Variants in BMPER observed in about 807,000 individuals in gnomAD.
The protein encoded by BMPER is BMP-binding endothelial regulator protein.
A neutral mutation model predicts 87.3 loss-of-function variants in BMPER; 45 were observed. The observed-to-expected ratio is 0.52, with a 90% CI of 0.41 to 0.66. The LOEUF is 0.66. Ranked by LOEUF, BMPER falls within the 30% of genes least tolerant of loss-of-function variation. The probability of loss-of-function intolerance (pLI) is 0.00; values close to 1 mark genes in which losing one functional copy is unlikely to be tolerated. For missense variants in BMPER, 784 were observed against 867.5 expected (o/e 0.90, Z 1.21); for synonymous variants, 326 against 316.2 (o/e 1.03, Z -0.33).
chr7:34,087,535 A>G (rs1165532796), intron 13 of BMPER, among the ~76,000 whole-genome samples: 2 of 151,876 alleles, frequency 1.3e-5, no homozygotes, highest in African/African-American at 4.8e-5. Flanking sequence ...AGTGGGGATA[A>G]TAAAAGAACC....
intron 6 of BMPER, among the ~76,000 whole-genome samples, chr7:34,025,499 C>G (rs1420788772): frequency 6.6e-6 from 1 of 151,988 alleles, no homozygotes; most frequent in South Asian, 2.1e-4. Context: ...ACACATCCAG[C>G]AAGGCAAGTG....
chr7:33,905,605 C>T lies in BMPER; in HGVS notation c.-9C>T. ...ACCTGCAGTCGCCAGGGATTCCCTC[C>T]AGGTGACGATGCTCTGGTTCTCCGG... On this transcript the variant is annotated 5_prime_UTR_variant, in exon 1 of 15. Coordinates refer to ENST00000649409, the MANE Select transcript of BMPER (RefSeq NM_001365308.1). 1 of 1,611,958 alleles carries T rather than the reference C, an allele frequency of 6.2e-7. No homozygotes were observed. The highest frequency in any genetic ancestry group is 1.1e-5 in the South Asian group (1 of 91,016).
At chr7:34,070,006 G>C (rs1177954144) in intron 11 of BMPER, among the ~76,000 whole-genome samples, 1 of 152,046 alleles carries the variant, frequency 6.6e-6, no homozygotes, top group Non-Finnish European at 1.5e-5. Context: ...TTTAGTGCAA[G>C]TATCTGTTGT....
At chr7:34,116,150 G>T (rs1790112898) in intron 13 of BMPER, among the ~76,000 whole-genome samples, 1 of 152,198 alleles carries the variant, frequency 6.6e-6, no homozygotes, top group Non-Finnish European at 1.5e-5. Flanking sequence ...ATAAAAGAAT[G>T]AGATAAAAAA....
intron 13 of BMPER, among the ~76,000 whole-genome samples, chr7:34,098,380 A>G (rs1229635012): frequency 6.6e-6 from 1 of 152,172 alleles, no homozygotes; most frequent in African/African-American, 2.4e-5. Flanking sequence ...AACAGGATGT[A>G]TCTGTAAAAA....
intron 6 of BMPER, among the ~76,000 whole-genome samples, chr7:34,043,317 T>C (rs1787879195): frequency 6.6e-6 from 1 of 152,198 alleles, no homozygotes; most frequent in South Asian, 2.1e-4. Flanking sequence ...TTCAATTGTT[T>C]GTAAAGTTCA....
chr7:33,988,513 A>C (rs1786082584), intron 6 of BMPER, among the ~76,000 whole-genome samples: 2 of 152,198 alleles, frequency 1.3e-5, no homozygotes, highest in African/African-American at 4.8e-5. Context: ...TTCATTTATA[A>C]CCAAACTGTG....
intron 6 of BMPER, among the ~76,000 whole-genome samples, chr7:34,045,479 G>A (rs1787937633): frequency 6.6e-6 from 1 of 152,160 alleles, no homozygotes; most frequent in South Asian, 2.1e-4. Context: ...GGCAGTGGAT[G>A]TTGGAGGTAT....
intron 12 of BMPER, among the ~76,000 whole-genome samples, chr7:34,079,495 C>T (rs537054470): frequency 3.3e-5 from 5 of 152,310 alleles, no homozygotes; most frequent in African/African-American, 1.2e-4. Context: ...CAGTTGTACT[C>T]TCCACATAAC....
chr7:33,996,327 T>C (rs551097459), intron 6 of BMPER, among the ~76,000 whole-genome samples: 2 of 152,186 alleles, frequency 1.3e-5, no homozygotes, highest in South Asian at 2.1e-4. Flanking sequence ...TTTTCCTGCA[T>C]AGCTGAGTGA....
At chr7:33,949,819 C>T (rs1784978425) in intron 3 of BMPER, among the ~76,000 whole-genome samples, 1 of 152,144 alleles carries the variant, frequency 6.6e-6, no homozygotes, top group Non-Finnish European at 1.5e-5. Flanking sequence ...CTTTCCCCTG[C>T]TCTTTTTCTC....
chr7:34,053,318 C>T (rs1788193880), intron 8 of BMPER, among the ~76,000 whole-genome samples: 1 of 152,162 alleles, frequency 6.6e-6, no homozygotes, highest in African/African-American at 2.4e-5. Context: ...TATTTTCTGT[C>T]TGCTTTGAGC....
At chr7:33,914,024 T>G (rs893561250) in intron 2 of BMPER, among the ~76,000 whole-genome samples, 1 of 150,962 alleles carries the variant, frequency 6.6e-6, no homozygotes, top group African/African-American at 2.4e-5. Context: ...TGCAGTGGCA[T>G]GATCTCGGCT....
chr7:34,125,287 G>A (rs1790372411), intron 13 of BMPER, among the ~76,000 whole-genome samples: 1 of 151,932 alleles, frequency 6.6e-6, no homozygotes, highest in African/African-American at 2.4e-5. Flanking sequence ...GCTTTTCCTT[G>A]TTTGCCTTTC....
intron 7 of BMPER, among the ~76,000 whole-genome samples, chr7:34,049,981 G>A (rs1788105145): frequency 6.6e-6 from 1 of 152,166 alleles, no homozygotes; most frequent in Admixed American, 6.5e-5. Context: ...AATGGGATGG[G>A]CAAAATCTAT....
rs145229717 is a variant in BMPER, at chr7:34,025,695, C to T, written c.577-20611C>T. Among the ~76,000 whole-genome samples, 656 of 152,018 alleles carry T rather than the reference C, an allele frequency of 4.3e-3. 7 individuals carry two copies. The highest frequency in any genetic ancestry group is 0.014 in the African/African-American group (589 of 41,500). On this transcript the variant is annotated intron_variant, in intron 6 of 14. Transcript: ENST00000649409. ...TGAGCCAGTGTGGGTGAGAAGAGAT[C>T]GGGAGACTCAATTAGCACTTAGTAC...
At chr7:34,059,932 A>G (rs1379071061) in intron 10 of BMPER, among the ~76,000 whole-genome samples, 3 of 151,972 alleles carry the variant, frequency 2.0e-5, no homozygotes, top group East Asian at 3.9e-4. Context: ...AAGGAGTGCC[A>G]TTTGTGAGAA....
chr7:33,945,911 G>A (rs1784882789), intron 3 of BMPER, among the ~76,000 whole-genome samples: 1 of 152,114 alleles, frequency 6.6e-6, no homozygotes, highest in African/African-American at 2.4e-5. Context: ...TCCTCAAGGA[G>A]CTTGCTTCAT....
chr7:34,129,224 C>T (rs954111689), intron 13 of BMPER, among the ~76,000 whole-genome samples: 15 of 151,968 alleles, frequency 9.9e-5, no homozygotes, highest in Admixed American at 2.0e-4. Flanking sequence ...ATATTAGGGA[C>T]GGGTGTGGTG....
Sources: allele counts gnomAD v4.1 joint callset (sites outside exome capture counted in the v4.1 genomes callset), GRCh38; gene constraint gnomAD v4.1.1; transcripts MANE v1.5; gene names NCBI Gene and HGNC (gene_info 2026-07-23, HGNC 2026-07-21).